BTBD9: variants seen among roughly 807,000 people sequenced by gnomAD.
The protein encoded by BTBD9 is BTB/POZ domain-containing protein 9.
Under a neutral mutation model 64.3 loss-of-function variants are expected in BTBD9, and 49 were observed. The observed-to-expected ratio is 0.76, with a 90% confidence interval of 0.61 to 0.97. BTBD9 has a LOEUF of 0.97. Among genes scored for constraint, BTBD9 ranks in the 50% least tolerant of loss-of-function variants. BTBD9 has a pLI of 0.00. For synonymous variants in BTBD9, 260 were observed against 274.7 expected (o/e 0.95, Z 0.53); for missense variants, 598 against 762.1 (o/e 0.78, Z 2.53).
chr6:38,409,842 T>TA (rs1227498074), intron 6 of BTBD9, among the ~76,000 whole-genome samples: 2 of 151,556 alleles, frequency 1.3e-5, no homozygotes. Flanking sequence ...AATAAATAAA[T>TA]AATAATAAAA....
intron 10 of BTBD9, among the ~76,000 whole-genome samples, chr6:38,176,917 G>C (rs1297000252): frequency 1.3e-5 from 2 of 152,170 alleles, no homozygotes; most frequent in Admixed American, 6.5e-5. Flanking sequence ...GCCAGGACAC[G>C]CCTTGAGAGT....
At chr6:38,202,089 T>G (rs1048224117) in intron 9 of BTBD9, among the ~76,000 whole-genome samples, 1,523 of 149,380 alleles carry the variant, frequency 0.01, 15 homozygotes, top group African/African-American at 0.035. Flanking sequence ...TTTTTTGTTT[T>G]TTTTTTTTTT....
intron 6 of BTBD9, among the ~76,000 whole-genome samples, chr6:38,348,127 G>T (rs1216811192): frequency 6.6e-6 from 1 of 152,090 alleles, no homozygotes; most frequent in African/African-American, 2.4e-5. Context: ...TCCTTAACGG[G>T]GCTCACGGTG....
At chr6:38,261,009 A>T (rs557103188) in intron 8 of BTBD9, among the ~76,000 whole-genome samples, 1 of 152,038 alleles carries the variant, frequency 6.6e-6, no homozygotes, top group African/African-American at 2.4e-5. Flanking sequence ...GCACAATCAT[A>T]GCTCACTGCA....
rs374178834 is a variant in BTBD9, at chr6:38,629,822, C to CA, written c.-28+9977dup. 6.3e-3 allele frequency among the ~76,000 whole-genome samples: 954 copies of CA among 151,748 alleles called. 9 individuals carry two copies. The highest frequency in any genetic ancestry group is 0.022 in the African/African-American group (894 of 41,398). ...GGGCAATAAGAATGAAACTCCATCTCAAAAAAGAAATAAATAAATAAAAAC... is the reference window on the plus strand; with the variant it reads ...GGGCAATAAGAATGAAACTCCATCTCAAAAAAAGAAATAAATAAATAAAAAC... On this transcript the variant is annotated intron_variant, in intron 1 of 10. Coordinates refer to ENST00000481247, the MANE Select transcript of BTBD9 (RefSeq NM_001099272.2).
intron 6 of BTBD9, among the ~76,000 whole-genome samples, chr6:38,502,598 T>C (rs562097045): frequency 2.0e-5 from 3 of 152,168 alleles, no homozygotes; most frequent in African/African-American, 7.2e-5. Flanking sequence ...CCAAGGCAAA[T>C]ACACAAATAC....
At chr6:38,360,272 C>T (rs1378626597) in intron 6 of BTBD9, among the ~76,000 whole-genome samples, 1 of 152,142 alleles carries the variant, frequency 6.6e-6, no homozygotes, top group Non-Finnish European at 1.5e-5. Context: ...GTGGTAAGCA[C>T]TTTACCAAGA....
At chr6:38,456,052 TG>T (rs1464288655) in intron 6 of BTBD9, among the ~76,000 whole-genome samples, 1 of 152,148 alleles carries the variant, frequency 6.6e-6, no homozygotes, top group East Asian at 1.9e-4. Context: ...GGCGCCATCT[TG>T]ACTCACTGCA....
At chr6:38,394,963 G>A (rs62397040) in intron 6 of BTBD9, among the ~76,000 whole-genome samples, 1 of 124,084 alleles carries the variant, frequency 8.1e-6, no homozygotes, top group South Asian at 2.8e-4. Context: ...AAAAAAGAGA[G>A]GGGAAAAAAA....
intron 6 of BTBD9, among the ~76,000 whole-genome samples, chr6:38,436,914 T>C (rs1382344220): frequency 2.0e-5 from 3 of 152,166 alleles, no homozygotes; most frequent in African/African-American, 2.4e-5. Context: ...ACGATGATGA[T>C]AGTTGTAGTC....
chr6:38,608,291 A>C (rs536721724), intron 1 of BTBD9, among the ~76,000 whole-genome samples: 19 of 152,272 alleles, frequency 1.2e-4, no homozygotes, highest in Non-Finnish European at 2.2e-4. Context: ...AAGCCATTGA[A>C]AACTGCATGA....
At chr6:38,453,648 A>T (rs1769658022) in intron 6 of BTBD9, among the ~76,000 whole-genome samples, 1 of 152,172 alleles carries the variant, frequency 6.6e-6, no homozygotes, top group Non-Finnish European at 1.5e-5. Flanking sequence ...GGACAGCCTG[A>T]CAACTGGATA....
intron 6 of BTBD9, among the ~76,000 whole-genome samples, chr6:38,439,104 A>C (rs1029596002): frequency 7.1e-6 from 1 of 140,428 alleles, no homozygotes; most frequent in African/African-American, 2.8e-5. Flanking sequence ...CTCGTGTAGC[A>C]ACTGACTTTT....
At chr6:38,438,200 A>AAAGG (rs1768830723) in intron 6 of BTBD9, among the ~76,000 whole-genome samples, 1 of 109,348 alleles carries the variant, frequency 9.1e-6, no homozygotes, top group African/African-American at 3.9e-5. Context: ...GGAAAGGAGG[A>AAAGG]AAGGAAGGAG....
intron 4 of BTBD9, among the ~76,000 whole-genome samples, chr6:38,581,709 A>G (rs969998044): frequency 5.3e-5 from 8 of 152,214 alleles, no homozygotes; most frequent in Non-Finnish European, 1.0e-4. Context: ...CAGGTGCATC[A>G]CTTTGAAGAA....
At chr6:38,522,970 G>A (rs1443259334) in intron 6 of BTBD9, among the ~76,000 whole-genome samples, 1 of 152,104 alleles carries the variant, frequency 6.6e-6, no homozygotes, top group Non-Finnish European at 1.5e-5. Context: ...ATCACCTGAG[G>A]TCAGGAGTTT....
At chr6:38,554,985 T>C (rs915386681) in intron 6 of BTBD9, among the ~76,000 whole-genome samples, 1 of 152,148 alleles carries the variant, frequency 6.6e-6, no homozygotes, top group African/African-American at 2.4e-5. Context: ...AAGCTATGGG[T>C]GATGCTACTA....
rs1354331656 is a variant in BTBD9 at position 38,594,230 on chromosome 6, T to C, written c.283A>G (p.Ile95Val). ...AEAFTMLLKY[I>V]YTGRATLTDE... ...GTCAGCGTTGCCCGCCCAGTGTAGA[T>C]ATATTTGAGTAGCATTGTGAATGCT... The change falls in exon 3 of 11, where the codon ATC becomes GTC. Residue 95 changes from isoleucine to valine, a missense_variant. By Grantham distance (29) the Ile-to-Val change is conservative (BLOSUM62 3). Coordinates refer to ENST00000481247, the MANE Select transcript of BTBD9 (RefSeq NM_001099272.2). 4.3e-6 allele frequency: 7 copies of C among 1,614,218 alleles called. No homozygotes were observed. The highest frequency in any genetic ancestry group is 2.7e-5 in the African/African-American group (2 of 75,072).
At chr6:38,217,248 G>A (rs1582065569) in intron 9 of BTBD9, among the ~76,000 whole-genome samples, 2 of 148,904 alleles carry the variant, frequency 1.3e-5, no homozygotes, top group East Asian at 3.9e-4. Flanking sequence ...GAACCCGGGA[G>A]GCAGAGGTTG....
Sources: allele counts gnomAD v4.1 joint callset (sites outside exome capture counted in the v4.1 genomes callset), GRCh38; gene constraint gnomAD v4.1.1; transcripts MANE v1.5; gene names NCBI Gene and HGNC (gene_info 2026-07-23, HGNC 2026-07-21).